Variants in EPHA2 observed in about 807,000 individuals in gnomAD.
The protein encoded by EPHA2 is EPH receptor A2, also known as ephrin type-A receptor 2.
A neutral mutation model predicts 104.9 loss-of-function variants in EPHA2; 54 were observed. The observed-to-expected ratio is 0.51, with a 90% CI of 0.41 to 0.65. The LOEUF is 0.65. Among genes scored for constraint, EPHA2 ranks in the 30% least tolerant of loss-of-function variants. The probability of loss-of-function intolerance (pLI) is 0.00; values close to 1 mark genes in which losing one functional copy is unlikely to be tolerated. For missense variants in EPHA2, 1,117 were observed against 1,369.5 expected, an observed-to-expected ratio of 0.82 and a Z score of 2.91; for synonymous variants, 560 against 559.1, an observed-to-expected ratio of 1.00 and a Z score of -0.02.
Position 16,124,888 on chromosome 1 carries a change from G to C in EPHA2, c.*327C>G, listed in dbSNP as rs559346540. 1.7e-4 allele frequency: 56 copies of C among 320,996 alleles called. No individual in the cohort carries two copies. The highest frequency in any genetic ancestry group is 1.1e-3 in the African/African-American group (53 of 47,622). 19.9% of individuals were successfully genotyped at this position (320,996 alleles called of 1,614,324 possible). ...CCTGAGATGGCCTCATGTGGGAGAA[G>C]GCGGAGGGAAGGTCGGCTTGGGAAT... On this transcript the variant is annotated 3_prime_UTR_variant, in exon 17 of 17. Coordinates refer to ENST00000358432, the MANE Select transcript of EPHA2 (RefSeq NM_004431.5).
intron 9 of EPHA2, 97 bp from the exon 10 acceptor site, chr1:16,133,703 T>G: frequency 6.3e-7 from 1 of 1,577,598 alleles, no homozygotes; most frequent in Non-Finnish European, 8.6e-7. Flanking sequence ...CTTCAGAGAC[T>G]TGGACCAGGC....
chr1:16,155,244 GC>G (rs912664767), intron 1 of EPHA2: 1 of 152,312 alleles, frequency 6.6e-6, no homozygotes, highest in African/African-American at 2.4e-5. Context: ...TGCCCCGGGA[GC>G]CCGGGAGTGC....
Position 16,133,217 on chromosome 1 carries a change from G to A in EPHA2, c.2016C>T (p.His672=). ...CGCCCTCTAGGCGGATGATGTTGTG[G>A]TGGCTGAACTGGCCCATGATGCCGG... The part of the protein sequence containing the change: ...GEAGIMGQFS[H]HNIIRLEGVI... The change falls in exon 11 of 17, where the codon CAC becomes CAT. Residue 672 remains histidine (H), a synonymous_variant. Coordinates refer to ENST00000358432, the MANE Select transcript of EPHA2 (RefSeq NM_004431.5). The A allele has an allele frequency of 6.2e-7, 1 of 1,613,764 alleles. No individual in the cohort carries two copies. Among genetic ancestry groups the A allele is most frequent in the Non-Finnish European group, 8.5e-7 (1 of 1,179,896 alleles).
At chr1:16,129,377 G>A (rs1200472038) in intron 16 of EPHA2, 57 bp downstream of exon 16, 16 of 1,585,452 alleles carry the variant, frequency 1.0e-5, no homozygotes, top group Non-Finnish European at 1.3e-5. Flanking sequence ...GGGCATGGAG[G>A]CAGCCTCTGG....
intron 2 of EPHA2, among the ~76,000 whole-genome samples, chr1:16,149,654 G>A (rs1037143390): frequency 5.9e-5 from 9 of 152,140 alleles, no homozygotes; most frequent in Non-Finnish European, 1.3e-4. Flanking sequence ...GAATTCCCAG[G>A]TTAGGCTACA....
At chr1:16,146,645 G>A (rs1214663499) in intron 3 of EPHA2, among the ~76,000 whole-genome samples, 1 of 152,226 alleles carries the variant, frequency 6.6e-6, no homozygotes, top group East Asian at 1.9e-4. Context: ...GAAGACAAGG[G>A]GGCGATGGCA....
At chr1:16,154,386 C>A (rs1051798891) in intron 1 of EPHA2, among the ~76,000 whole-genome samples, 3 of 152,132 alleles carry the variant, frequency 2.0e-5, no homozygotes, top group Non-Finnish European at 4.4e-5. Context: ...CACTGCCCAA[C>A]GGCTCCAGAT....
intron 1 of EPHA2, 133 bp downstream of exon 1, chr1:16,155,715 C>A (rs1481489750): frequency 1.5e-6 from 1 of 669,790 alleles, no homozygotes; most frequent in Non-Finnish European, 2.2e-6. Flanking sequence ...GCAGCCCGTG[C>A]GCCCTCCGGA....
intron 3 of EPHA2, among the ~76,000 whole-genome samples, chr1:16,145,694 C>G (rs2024919989): frequency 6.6e-6 from 1 of 152,118 alleles, no homozygotes; most frequent in Admixed American, 6.5e-5. Context: ...TGCAACAGAC[C>G]CTGCCATCCC....
At chr1:16,133,945 A>T in intron 8 of EPHA2, 30 bp from the exon 9 acceptor site, 1 of 1,550,056 alleles carries the variant, frequency 6.5e-7, no homozygotes, top group African/African-American at 1.4e-5. Context: ...AACCAAATGC[A>T]GGGAGGTCAG....
rs2024985055 is a variant in EPHA2, at chr1:16,148,870, C to T, written c.331G>A (p.Gly111Ser). ...TVRDCNSFPG[G>S]ASSCKETFNL... ...AAAGTCTCCTTGCAGGAGCTGGCGC[C>T]ACCAGGGAAGCTGTTGCAGTCACGT... The change falls in exon 3 of 17, where the codon GGC (glycine) becomes AGC (serine). Residue 111 changes from glycine to serine, a missense_variant. Gly to Ser is a moderately conservative substitution (Grantham distance 56, BLOSUM62 0). This residue lies in a region of EPHA2 where 664 missense variants were observed against 784.8 expected (regional missense o/e 0.85). Coordinates refer to ENST00000358432, the MANE Select transcript of EPHA2 (RefSeq NM_004431.5). This position sits in a 1 kb window ranked among gnomAD's most constrained non-coding sequence, Gnocchi z 4.9. The T allele has an allele frequency of 1.2e-6, 2 of 1,614,158 alleles. No homozygotes were observed. Among genetic ancestry groups the T allele is most frequent in the Non-Finnish European group, 1.7e-6 (2 of 1,180,048 alleles).
Position 16,138,001 on chromosome 1 carries a change from A to C in EPHA2, c.1164T>G (p.Pro388=). 1 of 1,614,020 alleles carries C rather than the reference A, an allele frequency of 6.2e-7. No homozygotes were observed. Among genetic ancestry groups the C allele is most frequent in the Non-Finnish European group, 8.5e-7 (1 of 1,180,024 alleles). ...PCEASVRYSE[P]PHGLTRTSVT... ...CACTGGTGCGGGTCAGTCCGTGAGG[A>C]GGCTCCGAGTAGCGCACACTGGCCT... The change falls in exon 5 of 17, where the codon CCT becomes CCG. Residue 388 remains proline, a synonymous_variant. Coordinates refer to ENST00000358432, the MANE Select transcript of EPHA2 (RefSeq NM_004431.5).
At position 16,133,544 on chromosome 1, in the gene EPHA2, C is replaced by A. The variant is rs1039125105; in HGVS notation, c.1801G>T (p.Val601Leu). ...TGGATCTCGGTAGTGAACTTCAACA[C>A]AGCCTGGTTGGGGTCCTCATATGTG... ...PHTYEDPNQA[V>L]LKFTTEIHPS... The change falls in exon 10 of 17, where the codon GTG (valine) becomes TTG (leucine). Residue 601 changes from valine (V) to leucine (L), a missense_variant. Val to Leu is a conservative substitution (Grantham distance 32). Around this residue, in one of 3 missense-constraint regions of EPHA2, gnomAD observed 113 missense variants for 104.3 expected, o/e 1.08. Coordinates refer to ENST00000358432, the MANE Select transcript of EPHA2 (RefSeq NM_004431.5). 2.7e-5 allele frequency: 44 copies of A among 1,614,116 alleles called. No individual in the cohort carries two copies. The highest frequency in any genetic ancestry group is 1.7e-4 in the Middle Eastern group (1 of 6,060).
chr1:16,148,691 C>T lies in EPHA2; in HGVS notation c.510G>A (p.Val170=). The T allele has an allele frequency of 6.2e-7, 1 of 1,612,096 alleles. No individual in the cohort carries two copies. Among genetic ancestry groups the T allele is most frequent in the Non-Finnish European group, 8.5e-7 (1 of 1,180,044 alleles). Residue 170 remains valine, a synonymous_variant, in exon 3 of 17, where the codon GTG becomes GTA. Coordinates refer to ENST00000358432, the MANE Select transcript of EPHA2 (RefSeq NM_004431.5). This position sits in a 1 kb window ranked among gnomAD's most constrained non-coding sequence, Gnocchi z 4.9. ...HVKLNVEERS[V]GPLTRKGFYL... is the part of the protein sequence containing the mutation. ...AGAAGCCTTTGCGGGTGAGCGGCCCCACGGAGCGCTCCTCCACGTTCAGCT... is the reference window on the plus strand; with the variant it reads ...AGAAGCCTTTGCGGGTGAGCGGCCCTACGGAGCGCTCCTCCACGTTCAGCT...
At chr1:16,132,354 G>A (rs781287716) in intron 12 of EPHA2, 24 bp downstream of exon 12, 22 of 1,613,964 alleles carry the variant, frequency 1.4e-5, no homozygotes, top group South Asian at 4.4e-5. Context: ...AGGCATCCCC[G>A]CCCCCTACAA....
At chr1:16,151,226 C>G (rs1486801599) in intron 1 of EPHA2, among the ~76,000 whole-genome samples, 1 of 152,230 alleles carries the variant, frequency 6.6e-6, no homozygotes, top group African/African-American at 2.4e-5. Context: ...GGATTCCAGC[C>G]ATCCTGTCCC....
At chr1:16,133,808 A>C (rs2024627923) in intron 9 of EPHA2, 52 bp downstream of exon 9, 1 of 1,512,032 alleles carries the variant, frequency 6.6e-7, no homozygotes, top group Non-Finnish European at 8.9e-7. Flanking sequence ...TCCCCCACAG[A>C]GCTGGGGACG....
intron 3 of EPHA2, among the ~76,000 whole-genome samples, chr1:16,143,586 T>C (rs2024868653): frequency 6.6e-6 from 1 of 151,994 alleles, no homozygotes; most frequent in Non-Finnish European, 1.5e-5. Context: ...CAGCATGAGG[T>C]GACTCAGGGA....
chr1:16,140,288 G>A (rs2024798131), intron 3 of EPHA2, among the ~76,000 whole-genome samples: 1 of 152,216 alleles, frequency 6.6e-6, no homozygotes, highest in African/African-American at 2.4e-5. Flanking sequence ...GGCCCTGCAA[G>A]AGCTCAGGCA....
Sources: gnomAD v4.1 joint callset for allele counts (sites outside exome capture counted in the v4.1 genomes callset) on GRCh38, gnomAD v4.1.1 for gene constraint, gnomAD v4.1.1 regional missense constraint, Gnocchi (gnomAD v3.1) non-coding constraint, MANE v1.5 for transcripts, NCBI Gene and HGNC (gene_info 2026-07-23, HGNC 2026-07-21) for gene names.